Variants in LRRC2 observed in about 807,000 individuals in gnomAD.
LRRC2 encodes leucine rich repeat containing 2, also known as leucine-rich repeat-containing protein 2.
In LRRC2, 27 loss-of-function variants were observed where a neutral mutation model predicts 40.2. The ratio of observed to expected loss-of-function variants is 0.67; its 90% CI spans 0.49 to 0.93. The LOEUF is 0.93. Ranked by LOEUF, LRRC2 falls within the 40% of genes least tolerant of loss-of-function variation. The pLI is 0.00. For missense variants in LRRC2, 402 were observed against 439.6 expected (o/e 0.91, Z 0.76); for synonymous variants, 147 against 158.9 (o/e 0.92, Z 0.56).
At chr3:46,523,599 T>C (rs1704002822) in intron 7 of LRRC2, among the ~76,000 whole-genome samples, 1 of 152,174 alleles carries the variant, frequency 6.6e-6, no homozygotes, top group Non-Finnish European at 1.5e-5. Context: ...TCCCCTAGAT[T>C]CCATGTTTAA....
At chr3:46,519,157 T>C (rs2106970158) in intron 8 of LRRC2, 94 bp from the exon 9 acceptor site, 1 of 830,778 alleles carries the variant, frequency 1.2e-6, no homozygotes, top group South Asian at 1.4e-5. Flanking sequence ...TGTATGTCAA[T>C]ACACCCATTA....
chr3:46,525,364 C>T (rs1704041063), intron 7 of LRRC2, among the ~76,000 whole-genome samples: 2 of 152,070 alleles, frequency 1.3e-5, no homozygotes, highest in South Asian at 4.1e-4. Flanking sequence ...AATCCTCCTG[C>T]CTCAGCCTCC....
intron 1 of LRRC2, among the ~76,000 whole-genome samples, chr3:46,556,283 C>A (rs1443177712): frequency 6.6e-6 from 1 of 151,910 alleles, no homozygotes; most frequent in Non-Finnish European, 1.5e-5. Flanking sequence ...CCATATCTGG[C>A]TAATTTTTTT....
chr3:46,525,086 C>CTTT (rs11284933), intron 7 of LRRC2, among the ~76,000 whole-genome samples: 4 of 117,574 alleles, frequency 3.4e-5, no homozygotes, highest in African/African-American at 9.5e-5. Flanking sequence ...CTTTTTTTTT[C>CTTT]TTTTTTTTTT....
At chr3:46,546,510 C>T (rs749696040) in intron 2 of LRRC2, among the ~76,000 whole-genome samples, 13 of 152,214 alleles carry the variant, frequency 8.5e-5, no homozygotes, top group Non-Finnish European at 1.3e-4. Context: ...AGCCTTTTCC[C>T]GGAATGCCGG....
At position 46,521,579 on chromosome 3, in the gene LRRC2, G is replaced by A. The variant is rs141371381; in HGVS notation, c.1009C>T (p.Arg337Cys). The stretch of plus-strand genomic sequence containing the variant: ...ATAACTTCTTTATCAAAATGTTGGC[G>A]ATCCCGTTCACTTTCCATTATTTCA... ...GNEIMESERDRQHFDKEVMKA... is the reference protein window; with the variant it reads ...GNEIMESERDCQHFDKEVMKA... The change falls in exon 8 of 9, where the codon CGC becomes TGC. Residue 337 changes from arginine to cysteine, a missense_variant. Coordinates refer to ENST00000395905, the MANE Select transcript of LRRC2 (RefSeq NM_024512.5). 5.6e-4 allele frequency: 897 copies of A among 1,612,658 alleles called. 5 individuals are homozygous for A. In the African/African-American group the frequency reaches 9.6e-3, roughly 17 times the overall value.
At chr3:46,522,760 AAC>A (rs71098411) in intron 7 of LRRC2, among the ~76,000 whole-genome samples, 5,517 of 143,232 alleles carry the variant, frequency 0.039, 232 homozygotes, top group African/African-American at 0.11. Flanking sequence ...AACTACTGCT[AAC>A]ACACACACAC....
At chr3:46,534,074 C>A (rs1278986591) in intron 4 of LRRC2, among the ~76,000 whole-genome samples, 1 of 151,954 alleles carries the variant, frequency 6.6e-6, no homozygotes, top group African/African-American at 2.4e-5. Context: ...GTTCTCCCTC[C>A]CCTTGCCCCA....
chr3:46,516,566 C>T lies in LRRC2; in HGVS notation c.*2448G>A, dbSNP rs1386175320. The T allele has an allele frequency of 1.3e-5, 2 of 152,184 alleles. No homozygotes were observed. The highest frequency in any genetic ancestry group is 2.9e-5 in the Non-Finnish European group (2 of 68,070). 9.4% of individuals were successfully genotyped at this position (152,184 alleles called of 1,614,324 possible). On this transcript the variant is annotated 3_prime_UTR_variant, in exon 9 of 9. Transcript: ENST00000395905. ...TATGGTAGCCACATGTGTGTGGGGTCCCCTAGTTTTCCTCATTTTTGTCTC... is the reference window on the plus strand; with the variant it reads ...TATGGTAGCCACATGTGTGTGGGGTTCCCTAGTTTTCCTCATTTTTGTCTC...
chr3:46,556,173 G>A (rs1371156303), intron 1 of LRRC2, among the ~76,000 whole-genome samples: 2 of 151,314 alleles, frequency 1.3e-5, no homozygotes, highest in African/African-American at 4.9e-5. Flanking sequence ...AGGCTGGAGT[G>A]CAGTGATGCC....
chr3:46,538,538 G>A (rs1037215259), intron 4 of LRRC2, among the ~76,000 whole-genome samples: 3 of 152,046 alleles, frequency 2.0e-5, no homozygotes, highest in African/African-American at 7.2e-5. Flanking sequence ...GGAGGCTGAG[G>A]CAGGAGAATC....
chr3:46,519,072 G>A lies in LRRC2; in HGVS notation c.1067-9C>T. ...ATAGCTGGGAACAGATTCTGTAACA[G>A]AAAGAAAAAAGTATGCTCAATCATT... On this transcript the variant is annotated splice_polypyrimidine_tract_variant and intron_variant, in intron 8 of 8. Coordinates refer to ENST00000395905, the MANE Select transcript of LRRC2 (RefSeq NM_024512.5). The A allele has an allele frequency of 6.2e-7, 1 of 1,601,076 alleles. No individual in the cohort carries two copies. Among genetic ancestry groups the A allele is most frequent in the Non-Finnish European group, 8.6e-7 (1 of 1,168,678 alleles).
At chr3:46,533,837 G>C (rs1160439096) in intron 4 of LRRC2, among the ~76,000 whole-genome samples, 2 of 71,602 alleles carry the variant, frequency 2.8e-5, no homozygotes. Flanking sequence ...CTCTCTGCCT[G>C]TCTTTCTTTC....
chr3:46,565,826 T>C (rs2107071426), intron 1 of LRRC2, among the ~76,000 whole-genome samples: 1 of 152,342 alleles, frequency 6.6e-6, no homozygotes, highest in East Asian at 1.9e-4. Flanking sequence ...GACAGCGCTT[T>C]GGACCAGAAA....
chr3:46,553,743 C>T (rs770734737), intron 1 of LRRC2, among the ~76,000 whole-genome samples: 22 of 152,200 alleles, frequency 1.4e-4, no homozygotes, highest in Non-Finnish European at 2.9e-4. Flanking sequence ...CTGCCTCAGT[C>T]TCCCATAGTG....
intron 2 of LRRC2, among the ~76,000 whole-genome samples, chr3:46,548,788 G>A (rs1190563395): frequency 1.3e-5 from 2 of 152,274 alleles, no homozygotes; most frequent in East Asian, 3.9e-4. Context: ...TGGATGAGGG[G>A]TTGGGGGGAT....
At chr3:46,543,473 G>A (rs1467042188) in intron 3 of LRRC2, among the ~76,000 whole-genome samples, 3 of 151,954 alleles carry the variant, frequency 2.0e-5, no homozygotes, top group South Asian at 2.1e-4. Context: ...AAATTTAGCC[G>A]GGTATGGTGG....
Position 46,534,198 on chromosome 3 carries a change from T to C in LRRC2, c.491-1289A>G, listed in dbSNP as rs140144667. ...GGTGTTTGGTTTTCTGTTCCTTGTG[T>C]TAGTTTGGTGAGAATGATGGCTTCC... On this transcript the variant is annotated intron_variant, in intron 4 of 8. Coordinates refer to ENST00000395905, the MANE Select transcript of LRRC2 (RefSeq NM_024512.5). Among the ~76,000 whole-genome samples the C allele has an allele frequency of 4.6e-3, 700 of 152,290 alleles. 11 individuals are homozygous for C. The highest frequency in any genetic ancestry group is 0.016 in the African/African-American group (649 of 41,568).
chr3:46,520,867 C>A (rs1166949111), intron 8 of LRRC2, among the ~76,000 whole-genome samples: 8 of 152,160 alleles, frequency 5.3e-5, no homozygotes, highest in Admixed American at 5.2e-4. Context: ...TGATGTATGC[C>A]TTTTTCCTGG....
Sources: allele counts gnomAD v4.1 joint callset (sites outside exome capture counted in the v4.1 genomes callset), GRCh38; gene constraint gnomAD v4.1.1; transcripts MANE v1.5; gene names NCBI Gene and HGNC (gene_info 2026-07-23, HGNC 2026-07-21).